The following JPH1 variants were observed in gnomAD, a reference collection of about 807,000 sequenced individuals.
JPH1 encodes the protein junctophilin-1.
JPH1 carries 12 observed loss-of-function variants against 53.6 expected under a neutral mutation model. The observed-to-expected ratio is 0.22, with a 90% CI of 0.14 to 0.36. The LOEUF is 0.36. JPH1 is among the 10% of genes least tolerant of loss of function. The pLI is 1.00. For synonymous variants in JPH1, 375 were observed against 363.8 expected, an observed-to-expected ratio of 1.03 and a Z score of -0.35; for missense variants, 808 against 905.5, an observed-to-expected ratio of 0.89 and a Z score of 1.38.
chr8:74,314,714 C>T, intron 2 of JPH1, 147 bp downstream of exon 2: 1 of 962,054 alleles, frequency 1.0e-6, no homozygotes. Flanking sequence ...GACTTTGATT[C>T]TACTGAGTGT....
At chr8:74,257,748 T>A (rs1586740267) in intron 3 of JPH1, among the ~76,000 whole-genome samples, 1 of 151,858 alleles carries the variant, frequency 6.6e-6, no homozygotes, top group African/African-American at 2.4e-5. Context: ...TGCATATATA[T>A]AAAAAATGAT....
chr8:74,300,993 G>A (rs1243259042), intron 2 of JPH1, among the ~76,000 whole-genome samples: 1 of 151,948 alleles, frequency 6.6e-6, no homozygotes, highest in African/African-American at 2.4e-5. Flanking sequence ...TTTTCTAATT[G>A]AATAATTTAT....
intron 2 of JPH1, among the ~76,000 whole-genome samples, chr8:74,267,102 G>A (rs1023186542): frequency 6.6e-6 from 1 of 152,218 alleles, no homozygotes; most frequent in Non-Finnish European, 1.5e-5. Context: ...TGAGAGTGAT[G>A]ACAAGTTCTG....
At position 74,237,355 on chromosome 8, in the gene JPH1, G is replaced by T. The variant is rs182268773; in HGVS notation, c.1906-52C>A. On this transcript the variant is annotated intron_variant, in intron 4 of 5. Transcript: ENST00000342232. Reference sequence around the variant, plus strand: ...TATAACTTCTCCATGTTAATATCAAGATATTACCAAAGCCAATTACTGAAA... The same window carrying T: ...TATAACTTCTCCATGTTAATATCAATATATTACCAAAGCCAATTACTGAAA... 357 of 1,382,074 alleles carry T rather than the reference G, an allele frequency of 2.6e-4. No homozygotes were observed. The African/African-American group carries it at 4.4e-3, about 17-fold the overall frequency. The allele number at this position is 1,382,074 out of a possible 1,614,324, so 85.6% of individuals were successfully genotyped here.
At chr8:74,246,045 A>G (rs1413989557) in intron 3 of JPH1, among the ~76,000 whole-genome samples, 2 of 152,098 alleles carry the variant, frequency 1.3e-5, no homozygotes, top group Non-Finnish European at 2.9e-5. Context: ...GGAAAGGGGC[A>G]TCTCTGGGCT....
chr8:74,284,287 G>A (rs1807098236), intron 2 of JPH1, among the ~76,000 whole-genome samples: 2 of 152,248 alleles, frequency 1.3e-5, no homozygotes, highest in Middle Eastern at 6.8e-3. Flanking sequence ...TAAAATGCAG[G>A]TGCAACATCT....
At chr8:74,312,278 G>A (rs752144036) in intron 2 of JPH1, among the ~76,000 whole-genome samples, 11 of 152,148 alleles carry the variant, frequency 7.2e-5, no homozygotes, top group Non-Finnish European at 1.2e-4. Context: ...TTGAGACAGG[G>A]TCTTGCTGTG....
intron 4 of JPH1, among the ~76,000 whole-genome samples, chr8:74,243,812 C>A (rs892950310): frequency 6.6e-6 from 1 of 152,162 alleles, no homozygotes; most frequent in African/African-American, 2.4e-5. Flanking sequence ...TTCAATAACA[C>A]AGAGCTTTTC....
At position 74,272,073 on chromosome 8, in the gene JPH1, C is replaced by T. The variant is rs1261393840; in HGVS notation, c.1140-12570G>A. Among the ~76,000 whole-genome samples, 4 of 152,208 alleles carry T rather than the reference C, an allele frequency of 2.6e-5. No individual in the cohort carries two copies. The East Asian group carries it at 7.7e-4, about 29-fold the overall frequency. Reference sequence around the variant, plus strand: ...TTTTACTAACGTTACGCATGTCCTGCTGTCCTTGTCTTCCTAGTAACACTT... The same window carrying T: ...TTTTACTAACGTTACGCATGTCCTGTTGTCCTTGTCTTCCTAGTAACACTT... On this transcript the variant is annotated intron_variant, in intron 2 of 5. Transcript: ENST00000342232.
chr8:74,288,876 T>C (rs989424983), intron 2 of JPH1, among the ~76,000 whole-genome samples: 6 of 152,254 alleles, frequency 3.9e-5, no homozygotes, highest in African/African-American at 1.2e-4. Context: ...GAATAACCTT[T>C]TGTTTGCACA....
intron 1 of JPH1, among the ~76,000 whole-genome samples, chr8:74,319,876 T>C (rs1421067001): frequency 6.6e-6 from 1 of 152,242 alleles, no homozygotes; most frequent in African/African-American, 2.4e-5. Context: ...TCTCAGCGTA[T>C]TACACAAGGA....
intron 2 of JPH1, among the ~76,000 whole-genome samples, chr8:74,288,594 G>T (rs1807236413): frequency 6.6e-6 from 1 of 152,130 alleles, no homozygotes; most frequent in South Asian, 2.1e-4. Flanking sequence ...GCAAGAGGGA[G>T]AAGGAAAGGA....
rs1305139778 is a variant in JPH1 at position 74,315,444 on chromosome 8, G to C, written c.556C>G (p.Pro186Ala). ...ACGAAACCGCCGCGGGTGCCGGCCG[G>C]GCTGTCGGCGGCGGCTGCGGCGTCG... ...LHDAAAAADS[P>A]AGTRGGFVLN... The change falls in exon 2 of 6, where the codon CCG becomes GCG. Residue 186 changes from proline to alanine, a missense_variant. Coordinates refer to ENST00000342232, the MANE Select transcript of JPH1 (RefSeq NM_020647.4). This position sits in a 1 kb window ranked among gnomAD's most constrained non-coding sequence, Gnocchi z 6.3. 6 of 1,609,540 alleles carry C rather than the reference G, an allele frequency of 3.7e-6. No individual in the cohort carries two copies. The highest frequency in any genetic ancestry group is 1.7e-5 in the Admixed American group (1 of 59,452).
At chr8:74,319,624 A>G (rs1477556968) in intron 1 of JPH1, among the ~76,000 whole-genome samples, 1 of 152,314 alleles carries the variant, frequency 6.6e-6, no homozygotes, top group East Asian at 1.9e-4. Flanking sequence ...CATTTGAAAC[A>G]CGGCCCAAGT....
At chr8:74,301,906 T>C (rs1807693499) in intron 2 of JPH1, among the ~76,000 whole-genome samples, 1 of 152,222 alleles carries the variant, frequency 6.6e-6, no homozygotes, top group African/African-American at 2.4e-5. Context: ...CAGATCTTCT[T>C]TTATGAGCCT....
intron 2 of JPH1, among the ~76,000 whole-genome samples, chr8:74,265,419 G>T (rs888642712): frequency 3.3e-5 from 5 of 152,170 alleles, no homozygotes; most frequent in Non-Finnish European, 4.4e-5. Context: ...AGATAGGACA[G>T]ATCAAAGGCA....
rs1808296552 is a variant in JPH1 at position 74,320,821 on chromosome 8, C to T, written c.379+88G>A. On this transcript the variant is annotated intron_variant, in intron 1 of 5. Coordinates refer to ENST00000342232, the MANE Select transcript of JPH1 (RefSeq NM_020647.4). This position sits in a 1 kb window ranked among gnomAD's most constrained non-coding sequence, Gnocchi z 4.4. Reference sequence around the variant, plus strand: ...TTTGGCGGGTTTCCGGACACGTGCGCCCGGCGTCCTCCCCGCTTCCCCGCA... The same window carrying T: ...TTTGGCGGGTTTCCGGACACGTGCGTCCGGCGTCCTCCCCGCTTCCCCGCA... 1 of 1,376,710 alleles carries T rather than the reference C, an allele frequency of 7.3e-7. No individual in the cohort carries two copies. The highest frequency in any genetic ancestry group is 1.5e-5 in the African/African-American group (1 of 65,530). 85.3% of individuals were successfully genotyped at this position (1,376,710 alleles called of 1,614,324 possible).
At chr8:74,249,504 A>G (rs866152338) in intron 3 of JPH1, among the ~76,000 whole-genome samples, 10 of 152,172 alleles carry the variant, frequency 6.6e-5, no homozygotes, top group African/African-American at 2.4e-4. Flanking sequence ...AAACTGTGGG[A>G]CATCCTTTCT....
Position 74,320,902 on chromosome 8 carries a change from C to A in JPH1, c.379+7G>T. ...GGAGCAGCCGAGCCGCCCGTTACGCCGCTCACCTCCGTCCCCGTAGGTCTC... is the reference window on the plus strand; with the variant it reads ...GGAGCAGCCGAGCCGCCCGTTACGCAGCTCACCTCCGTCCCCGTAGGTCTC... On this transcript the variant is annotated splice_region_variant and intron_variant, in intron 1 of 5. Transcript: ENST00000342232. This position sits in a 1 kb window ranked among gnomAD's most constrained non-coding sequence, Gnocchi z 4.4. The A allele has an allele frequency of 6.6e-7, 1 of 1,514,126 alleles. No individual in the cohort carries two copies. The highest frequency in any genetic ancestry group is 1.3e-5 in the South Asian group (1 of 77,142). 93.8% of individuals were successfully genotyped at this position (1,514,126 alleles called of 1,614,324 possible).
Sources: gnomAD v4.1 joint callset for allele counts (sites outside exome capture counted in the v4.1 genomes callset) on GRCh38, gnomAD v4.1.1 for gene constraint, Gnocchi (gnomAD v3.1) non-coding constraint, MANE v1.5 for transcripts, NCBI Gene and HGNC (gene_info 2026-07-23, HGNC 2026-07-21) for gene names.